VTI1A: variants seen among roughly 807,000 people sequenced by gnomAD.
VTI1A encodes the protein vesicle transport through interaction with t-SNAREs 1A, also known as vesicle transport through interaction with t-SNAREs homolog 1A.
VTI1A carries 22 observed loss-of-function variants against 34.9 expected under a neutral mutation model. The observed-to-expected ratio is 0.63, with a 90% CI of 0.45 to 0.90. VTI1A has a LOEUF of 0.90. Ranked by LOEUF, VTI1A falls within the 40% of genes least tolerant of loss-of-function variation. The pLI is 0.00. For missense variants in VTI1A, 268 were observed against 275.6 expected, an observed-to-expected ratio of 0.97 and a Z score of 0.20; for synonymous variants, 87 against 97.3, an observed-to-expected ratio of 0.89 and a Z score of 0.62.
At chr10:112,848,967 A>G in the VTI1A span, among the ~76,000 whole-genome samples, 1 of 152,184 alleles carries the variant, frequency 6.6e-6, no homozygotes, top group Non-Finnish European at 1.5e-5. Flanking sequence ...ACAGAGGAGC[A>G]AAGCCAACTT....
intron 7 of VTI1A, among the ~76,000 whole-genome samples, chr10:112,794,508 C>A (rs1852605204): frequency 6.6e-6 from 1 of 152,032 alleles, no homozygotes; most frequent in South Asian, 2.1e-4. Context: ...GCTATAATCA[C>A]GCTGTTGCAC....
intron 5 of VTI1A, among the ~76,000 whole-genome samples, chr10:112,580,774 C>T (rs1474846058): frequency 6.6e-6 from 1 of 152,090 alleles, no homozygotes; most frequent in Non-Finnish European, 1.5e-5. Context: ...ATTGACATTT[C>T]ACAGTGTGCA....
At chr10:112,834,457 A>G in the VTI1A span, among the ~76,000 whole-genome samples, 1 of 152,116 alleles carries the variant, frequency 6.6e-6, no homozygotes, top group Non-Finnish European at 1.5e-5. Flanking sequence ...TCCCAAAGAG[A>G]CACCATCCCT....
intron 3 of VTI1A, among the ~76,000 whole-genome samples, chr10:112,468,551 G>A (rs1406677989): frequency 6.6e-6 from 1 of 152,100 alleles, no homozygotes; most frequent in Non-Finnish European, 1.5e-5. Flanking sequence ...TGCCCATGGG[G>A]AGGGGCAGAG....
chr10:112,828,857 A>G, the VTI1A span, among the ~76,000 whole-genome samples: 1 of 151,506 alleles, frequency 6.6e-6, no homozygotes, highest in Non-Finnish European at 1.5e-5. Flanking sequence ...AAAAAAGAAA[A>G]AAAAAAAACA....
chr10:112,714,907 G>A (rs751416985), intron 7 of VTI1A, among the ~76,000 whole-genome samples: 1 of 152,170 alleles, frequency 6.6e-6, no homozygotes, highest in Admixed American at 6.5e-5. Flanking sequence ...TCCATGATGT[G>A]CACCGTGTTC....
At chr10:112,509,600 A>G (rs748458273) in intron 3 of VTI1A, among the ~76,000 whole-genome samples, 13 of 152,224 alleles carry the variant, frequency 8.5e-5, no homozygotes, top group Non-Finnish European at 1.6e-4. Flanking sequence ...ACCATGCCCA[A>G]AGATAATTCA....
At chr10:112,761,701 C>T (rs1851468462) in intron 7 of VTI1A, among the ~76,000 whole-genome samples, 1 of 152,102 alleles carries the variant, frequency 6.6e-6, no homozygotes, top group South Asian at 2.1e-4. Flanking sequence ...ACTGCTGATT[C>T]TGTTGCTGTA....
intron 3 of VTI1A, among the ~76,000 whole-genome samples, chr10:112,492,947 G>C (rs1848884129): frequency 6.6e-6 from 1 of 152,150 alleles, no homozygotes. Context: ...ATCATGTGCA[G>C]TCCGTCCTCA....
At chr10:112,830,849 A>ATTT in the VTI1A span, among the ~76,000 whole-genome samples, 164 of 33,418 alleles carry the variant, frequency 4.9e-3, 2 homozygotes, top group Middle Eastern at 0.021. Context: ...ATATATATAT[A>ATTT]TTTTTTTTTT....
chr10:112,678,073 A>G (rs1369267268), intron 7 of VTI1A, among the ~76,000 whole-genome samples: 1 of 152,226 alleles, frequency 6.6e-6, no homozygotes, highest in South Asian at 2.1e-4. Context: ...CTACATGTAA[A>G]CATGTCCATT....
intron 3 of VTI1A, among the ~76,000 whole-genome samples, chr10:112,472,941 G>T: frequency 6.7e-6 from 1 of 150,262 alleles, no homozygotes. Context: ...ATAATACCTG[G>T]TCGTTATAGA....
chr10:112,738,062 T>C lies in VTI1A; in HGVS notation c.560+69064T>C, dbSNP rs7100079. Reference sequence around the variant, plus strand: ...CTGCACCACAATCTCATTCTTATCCTTGTCAATTGTTGGGGCAAATGGAAT... The same window carrying C: ...CTGCACCACAATCTCATTCTTATCCCTGTCAATTGTTGGGGCAAATGGAAT... On this transcript the variant is annotated intron_variant, in intron 7 of 7. Transcript: ENST00000393077. Among the ~76,000 whole-genome samples, 1,190 of 152,314 alleles carry C rather than the reference T, an allele frequency of 7.8e-3. 17 individuals are homozygous for C. The highest frequency in any genetic ancestry group is 0.028 in the African/African-American group (1,149 of 41,558).
At chr10:112,739,924 A>C (rs1182945491) in intron 7 of VTI1A, among the ~76,000 whole-genome samples, 1 of 152,266 alleles carries the variant, frequency 6.6e-6, no homozygotes, top group Non-Finnish European at 1.5e-5. Context: ...TTGGCTCTTC[A>C]GAAGCAAAAT....
chr10:112,617,504 A>T (rs182474992), intron 5 of VTI1A, among the ~76,000 whole-genome samples: 153 of 152,180 alleles, frequency 1.0e-3, no homozygotes, highest in African/African-American at 3.4e-3. Flanking sequence ...TTTAGATTAA[A>T]AATAATAATA....
At chr10:112,623,302 G>A (rs1441040877) in intron 5 of VTI1A, among the ~76,000 whole-genome samples, 1 of 152,132 alleles carries the variant, frequency 6.6e-6, no homozygotes, top group Non-Finnish European at 1.5e-5. Context: ...AAAGAGACAG[G>A]CTAGAGGCTT....
At chr10:112,655,421 T>G (rs1172234034) in intron 5 of VTI1A, among the ~76,000 whole-genome samples, 8 of 152,034 alleles carry the variant, frequency 5.3e-5, no homozygotes, top group Admixed American at 3.9e-4. Context: ...AGAAATGCTT[T>G]AACAATCAAG....
At chr10:112,622,302 C>A (rs1429824883) in intron 5 of VTI1A, among the ~76,000 whole-genome samples, 2 of 152,188 alleles carry the variant, frequency 1.3e-5, no homozygotes, top group Non-Finnish European at 1.5e-5. Context: ...GCACTAGACA[C>A]ACCCAGCTGA....
intron 7 of VTI1A, among the ~76,000 whole-genome samples, chr10:112,782,004 G>C (rs962911498): frequency 2.0e-5 from 3 of 152,136 alleles, no homozygotes; most frequent in Non-Finnish European, 2.9e-5. Context: ...TCCTTTCCTA[G>C]AAGACCCTTC....
Sources: allele counts gnomAD v4.1 joint callset (sites outside exome capture counted in the v4.1 genomes callset), GRCh38; gene constraint gnomAD v4.1.1; transcripts MANE v1.5; gene names NCBI Gene and HGNC (gene_info 2026-07-23, HGNC 2026-07-21).